Variants in MAPK7 observed in about 807,000 individuals in gnomAD.
MAPK7 encodes the protein BMK-1.
Under a neutral mutation model 56.9 loss-of-function variants are expected in MAPK7, and 30 were observed. The observed-to-expected ratio is 0.53, with a 90% CI of 0.39 to 0.72. MAPK7 has a LOEUF of 0.72. MAPK7 is among the 30% of genes least tolerant of loss of function. The probability of loss-of-function intolerance (pLI) is 0.00; values close to 1 mark genes in which losing one functional copy is unlikely to be tolerated. For synonymous variants in MAPK7, 516 were observed against 449.3 expected (o/e 1.15, Z -1.88); for missense variants, 952 against 1,110.8 (o/e 0.86, Z 2.03).
chr17:19,383,036 C>T, intron 6 of MAPK7, 42 bp from the exon 7 acceptor site: 1 of 1,612,428 alleles, frequency 6.2e-7, no homozygotes, highest in Admixed American at 1.7e-5. Context: ...GGTGAGGGTC[C>T]AGCCTAGGCT....
In MAPK7 at chr17:19,382,917, C is replaced by T; in HGVS notation, c.2268C>T (p.Asp756=). ...DLEEFLNQSF[D]MGVADGPQDG... ...AGGAATTCTTAAACCAGTCTTTCGA[C>T]ATGGGCGTGGCTGATGGGCCACAGG... Residue 756 remains aspartate, a synonymous_variant, in exon 6 of 7, where the codon GAC becomes GAT. Coordinates refer to ENST00000395604, the MANE Select transcript of MAPK7 (RefSeq NM_002749.4). The T allele has an allele frequency of 6.2e-7, 1 of 1,614,260 alleles. No individual in the cohort carries two copies.
In MAPK7 at chr17:19,381,865, G is replaced by A; in HGVS notation, c.1562G>A (p.Arg521Gln). 6.3e-7 allele frequency: 1 copy of A among 1,581,202 alleles called. No individual in the cohort carries two copies. Among genetic ancestry groups the A allele is most frequent in the Non-Finnish European group, 8.6e-7 (1 of 1,163,214 alleles). Residue 521 changes from arginine (R) to glutamine (Q), a missense_variant, in exon 5 of 7, where the codon CGG becomes CAG. Physicochemically the swap from Arg to Gln is conservative, Grantham distance 43. Transcript: ENST00000395604. The surrounding 1 kb of genome is among the most constrained non-coding windows in gnomAD (Gnocchi z 4.6). Reference sequence around the variant, plus strand: ...CGCCAGCGGGAGCGGGAGGAGAAGCGGCGGAGGCGGCAAGAACGAGCCAAG... The same window carrying A: ...CGCCAGCGGGAGCGGGAGGAGAAGCAGCGGAGGCGGCAAGAACGAGCCAAG... Reference protein sequence around the residue: ...QERQREREEKRRRRQERAKER... With the variant: ...QERQREREEKQRRRQERAKER...
rs749773496 is a variant in MAPK7 at position 19,381,522 on chromosome 17, C to T, written c.1313C>T (p.Pro438Leu). ...DCAMESPPPAPPPCPGPAPDT... is the reference protein window; with the variant it reads ...DCAMESPPPALPPCPGPAPDT... ...GCCATGGAGTCTCCACCACCAGCCC[C>T]GCCACCATGCCCCGGCCCTGCACCT... is the stretch of plus-strand genomic sequence containing the variant. Residue 438 changes from proline (P) to leucine (L), a missense_variant, in exon 4 of 7, where the codon CCG (proline) becomes CTG (leucine). Around this residue, in one of 5 missense-constraint regions of MAPK7, gnomAD observed 429 missense variants for 533.0 expected, o/e 0.80. Transcript: ENST00000395604. This position sits in a 1 kb window ranked among gnomAD's most constrained non-coding sequence, Gnocchi z 4.6. 2.0e-5 allele frequency: 32 copies of T among 1,613,614 alleles called. No individual in the cohort carries two copies. The highest frequency in any genetic ancestry group is 1.6e-4 in the Middle Eastern group (1 of 6,084).
In MAPK7 at chr17:19,382,320, C is replaced by A; in HGVS notation, c.2017C>A (p.Pro673Thr). ...GGCTGCCCAGTCACTTGTGCCACCC[C>A]CTGGGCTGCCTGGCTCCAGCACCCC... ...LLAAQSLVPPPGLPGSSTPGV... is the reference protein window; with the variant it reads ...LLAAQSLVPPTGLPGSSTPGV... Residue 673 changes from proline to threonine, a missense_variant, in exon 5 of 7, where the codon CCT becomes ACT. Pro to Thr is a conservative substitution (Grantham distance 38). Transcript: ENST00000395604. 6.2e-7 allele frequency: 1 copy of A among 1,613,346 alleles called. No individual in the cohort carries two copies. Among genetic ancestry groups the A allele is most frequent in the Non-Finnish European group, 8.5e-7 (1 of 1,180,012 alleles).
rs765309809 is a variant in MAPK7 at position 19,378,934 on chromosome 17, G to A, written c.34G>A (p.Asp12Asn). Reference protein sequence around the residue: ...AEPLKEEDGEDGSAEPPGPVK... With the variant: ...AEPLKEEDGENGSAEPPGPVK... ...GCCTCTGAAGGAGGAAGACGGCGAG[G>A]ACGGCTCTGCGGAGCCCCCCGGGCC... Residue 12 changes from aspartate to asparagine, a missense_variant, in exon 2 of 7, where the codon GAC becomes AAC. This residue lies in a region of MAPK7 where 213 missense variants were observed against 243.2 expected (regional missense o/e 0.88). Transcript: ENST00000395604. The surrounding 1 kb of genome is among the most constrained non-coding windows in gnomAD (Gnocchi z 5.4). The A allele has an allele frequency of 3.8e-6, 6 of 1,589,230 alleles. No homozygotes were observed. The highest frequency in any genetic ancestry group is 1.8e-5 in the Admixed American group (1 of 56,458).
chr17:19,382,117 C>T lies in MAPK7; in HGVS notation c.1814C>T (p.Pro605Leu). ...CCAACCCCAGTCCAACCTACCAGTCCTCCTCCTGGCCCTGTAGCCCAGCCC... is the reference window on the plus strand; with the variant it reads ...CCAACCCCAGTCCAACCTACCAGTCTTCCTCCTGGCCCTGTAGCCCAGCCC... ...PTPTPVQPTSPPPGPVAQPTG... is the reference protein window; with the variant it reads ...PTPTPVQPTSLPPGPVAQPTG... The change falls in exon 5 of 7, where the codon CCT (proline) becomes CTT (leucine). Residue 605 changes from proline to leucine, a missense_variant. Pro to Leu is a moderately conservative substitution (Grantham distance 98). This residue lies in a region of MAPK7 where 234 missense variants were observed against 210.4 expected (regional missense o/e 1.11). Coordinates refer to ENST00000395604, the MANE Select transcript of MAPK7 (RefSeq NM_002749.4). 1.2e-6 allele frequency: 2 copies of T among 1,612,408 alleles called. No individual in the cohort carries two copies. The highest frequency in any genetic ancestry group is 8.5e-7 in the Non-Finnish European group (1 of 1,179,722).
rs1418800673 is a variant in MAPK7 at position 19,382,164 on chromosome 17, G to T, written c.1861G>T (p.Ala621Ser). Residue 621 changes from alanine (A) to serine (S), a missense_variant, in exon 5 of 7, where the codon GCG becomes TCG. Transcript: ENST00000395604. ...GCCCACTGGCCCGCAACCACAATCTGCGGGCTCTACCTCTGGCCCTGTACC... is the reference window on the plus strand; with the variant it reads ...GCCCACTGGCCCGCAACCACAATCTTCGGGCTCTACCTCTGGCCCTGTACC... ...AQPTGPQPQSAGSTSGPVPQP... is the reference protein window; with the variant it reads ...AQPTGPQPQSSGSTSGPVPQP... 1 of 1,612,218 alleles carries T rather than the reference G, an allele frequency of 6.2e-7. No individual in the cohort carries two copies. The highest frequency in any genetic ancestry group is 8.5e-7 in the Non-Finnish European group (1 of 1,179,670).
chr17:19,382,223 C>T lies in MAPK7; in HGVS notation c.1920C>T (p.Pro640=). The T allele has an allele frequency of 1.2e-6, 2 of 1,611,838 alleles. No individual in the cohort carries two copies. The highest frequency in any genetic ancestry group is 1.1e-5 in the South Asian group (1 of 91,014). The change falls in exon 5 of 7, where the codon CCC becomes CCT. Residue 640 remains proline (P), a synonymous_variant. Transcript: ENST00000395604. ...CCTGCCCACCCCCTGGCCCTGCACCCCACCCCACTGGCCCTCCTGGGCCCA... is the reference window on the plus strand; with the variant it reads ...CCTGCCCACCCCCTGGCCCTGCACCTCACCCCACTGGCCCTCCTGGGCCCA... ...QPACPPPGPA[P]HPTGPPGPIP...
rs201210264 is a variant in MAPK7, at chr17:19,382,402, C to T, written c.2099C>T (p.Pro700Leu). Residue 700 changes from proline (P) to leucine (L), a missense_variant, in exon 5 of 7, where the codon CCT (proline) becomes CTT (leucine). Pro to Leu is a moderately conservative substitution (Grantham distance 98). Around this residue, in one of 5 missense-constraint regions of MAPK7, gnomAD observed 234 missense variants for 210.4 expected, o/e 1.11. Transcript: ENST00000395604. Reference protein sequence around the residue: ...GLPPPDAGGAPQSSMSESPDV... With the variant: ...GLPPPDAGGALQSSMSESPDV... ...CCGCCCCCAGACGCCGGGGGAGCCCCTCAGTCTTCCATGTCAGAGTCACCT... is the reference window on the plus strand; with the variant it reads ...CCGCCCCCAGACGCCGGGGGAGCCCTTCAGTCTTCCATGTCAGAGTCACCT... The T allele has an allele frequency of 9.6e-5, 155 of 1,612,780 alleles. No homozygotes were observed. Among genetic ancestry groups the T allele is most frequent in the Non-Finnish European group, 1.2e-4 (139 of 1,179,614 alleles).
Position 19,383,060 on chromosome 17 carries a change from C to T in MAPK7, c.2298-18C>T, listed in dbSNP as rs1323349565. On this transcript the variant is annotated intron_variant, in intron 6 of 6. Coordinates refer to ENST00000395604, the MANE Select transcript of MAPK7 (RefSeq NM_002749.4). ...CCAGCCTAGGCTAATAGCACCCCTC[C>T]CTTTCCTTCCCCTGCAGCCAGGCAG... The T allele has an allele frequency of 2.5e-6, 4 of 1,613,794 alleles. No individual in the cohort carries two copies. The highest frequency in any genetic ancestry group is 8.5e-7 in the Non-Finnish European group (1 of 1,179,768).
chr17:19,383,399 C>T lies in MAPK7; in HGVS notation c.*168C>T, dbSNP rs533061086. On this transcript the variant is annotated 3_prime_UTR_variant, in exon 7 of 7. Transcript: ENST00000395604. ...CTTAAGCAGCCACCTGAGCCACCAC[C>T]GAGCCATGGCAGGATCGGGAGACCC... 5.2e-5 allele frequency: 32 copies of T among 610,332 alleles called. No homozygotes were observed. The highest frequency in any genetic ancestry group is 5.0e-4 in the African/African-American group (27 of 54,028). 37.8% of individuals were successfully genotyped at this position (610,332 alleles called of 1,614,324 possible). A position where few individuals can be genotyped will look rare whatever the true frequency, so the allele number is the denominator to read the frequency against.
rs771289351 is a variant in MAPK7, at chr17:19,380,526, C to T, written c.399-82C>T. Reference sequence around the variant, plus strand: ...GGTAAGGCTGTTACCTGTCTGGAATCGGAAGGGTGTGGTGAGGATGGGGCT... The same window carrying T: ...GGTAAGGCTGTTACCTGTCTGGAATTGGAAGGGTGTGGTGAGGATGGGGCT... On this transcript the variant is annotated intron_variant, in intron 3 of 6. Coordinates refer to ENST00000395604, the MANE Select transcript of MAPK7 (RefSeq NM_002749.4). 69 of 1,507,496 alleles carry T rather than the reference C, an allele frequency of 4.6e-5. No individual in the cohort carries two copies. The Middle Eastern group carries it at 5.3e-4, about 12-fold the overall frequency. The allele number at this position is 1,507,496 out of a possible 1,614,324, so 93.4% of individuals were successfully genotyped here.
upstream of MAPK7, chr17:19,378,210 C>T: frequency 1.0e-6 from 1 of 985,272 alleles, no homozygotes; most frequent in Non-Finnish European, 1.2e-6. This position sits in a 1 kb window ranked among gnomAD's most constrained non-coding sequence, Gnocchi z 5.4. Flanking sequence ...GCGCGCGCTA[C>T]GTGCAGGGGC....
rs755715201 is a variant in MAPK7 at position 19,381,893 on chromosome 17, G to A, written c.1590G>A (p.Glu530=). Residue 530 remains glutamate (E), a synonymous_variant, in exon 5 of 7, where the codon GAG becomes GAA. Coordinates refer to ENST00000395604, the MANE Select transcript of MAPK7 (RefSeq NM_002749.4). The surrounding 1 kb of genome is among the most constrained non-coding windows in gnomAD (Gnocchi z 4.6). ...GGAGGCGGCAAGAACGAGCCAAGGA[G>A]CGGGAGAAACGGCGGCAGGAGCGGG... is the stretch of plus-strand genomic sequence containing the variant. ...KRRRRQERAK[E]REKRRQERER... 6.4e-7 allele frequency: 1 copy of A among 1,566,664 alleles called. No individual in the cohort carries two copies. Among genetic ancestry groups the A allele is most frequent in the South Asian group, 1.2e-5 (1 of 85,872 alleles).
In MAPK7 at chr17:19,383,424, C is replaced by G; in HGVS notation, c.*193C>G. On this transcript the variant is annotated 3_prime_UTR_variant, in exon 7 of 7. Transcript: ENST00000395604. ...CGAGCCATGGCAGGATCGGGAGACC[C>G]CAACTCCCCCTGAACAATCCTTTTC... 1 of 531,308 alleles carries G rather than the reference C, an allele frequency of 1.9e-6. No homozygotes were observed. The highest frequency in any genetic ancestry group is 3.3e-6 in the Non-Finnish European group (1 of 301,966). The allele number at this position is 531,308 out of a possible 1,614,324, so 32.9% of individuals were successfully genotyped here.
chr17:19,379,174 G>T (rs751245072), intron 2 of MAPK7, 42 bp downstream of exon 2: 1 of 1,567,090 alleles, frequency 6.4e-7, no homozygotes. Context: ...TGGCAGCGTC[G>T]CAGGGAGTGG....
chr17:19,380,162 T>G, intron 3 of MAPK7: 1 of 596,480 alleles, frequency 1.7e-6, no homozygotes, highest in East Asian at 2.9e-5. Context: ...AATCTTAGTA[T>G]ATAGGATGTC....
chr17:19,378,177 G>A (rs1912258973), upstream of MAPK7: 4 of 981,946 alleles, frequency 4.1e-6, no homozygotes, highest in Non-Finnish European at 4.8e-6. The surrounding 1 kb of genome is among the most constrained non-coding windows in gnomAD (Gnocchi z 5.4). Context: ...TTGGCCGGAT[G>A]AGGTTGAGAG....
rs1912688348 is a variant in MAPK7, at chr17:19,381,719, G to T, written c.1477+33G>T. 2 of 1,549,088 alleles carry T rather than the reference G, an allele frequency of 1.3e-6. No homozygotes were observed. Among genetic ancestry groups the T allele is most frequent in the Non-Finnish European group, 1.7e-6 (2 of 1,150,974 alleles). On this transcript the variant is annotated intron_variant, in intron 4 of 6. Coordinates refer to ENST00000395604, the MANE Select transcript of MAPK7 (RefSeq NM_002749.4). This position sits in a 1 kb window ranked among gnomAD's most constrained non-coding sequence, Gnocchi z 4.6. ...GTGGGCAGGTCGGGTGGGCAGAGGG[G>T]AGACTTGGACTTGGACAAGGCTTCA... is the stretch of plus-strand genomic sequence containing the variant.
Sources: allele counts gnomAD v4.1 joint callset, GRCh38; gene constraint gnomAD v4.1.1; regional missense constraint gnomAD v4.1.1; non-coding constraint Gnocchi (gnomAD v3.1); transcripts MANE v1.5; gene names NCBI Gene and HGNC (gene_info 2026-07-23, HGNC 2026-07-21).